Variants in PCDHGB6 observed in about 807,000 individuals in gnomAD.
PCDHGB6 encodes protocadherin gamma-B6.
In PCDHGB6, 51 loss-of-function variants were observed where a neutral mutation model predicts 59.1. The ratio of observed to expected loss-of-function variants is 0.86; its 90% confidence interval spans 0.69 to 1.09. PCDHGB6 has a LOEUF of 1.09. PCDHGB6 is among the 50% of genes least tolerant of loss of function. The probability of loss-of-function intolerance (pLI) is 0.00; values close to 1 mark genes in which losing one functional copy is unlikely to be tolerated. For missense variants in PCDHGB6, 1,148 were observed against 1,205.1 expected (o/e 0.95, Z 0.70); for synonymous variants, 466 against 495.1 (o/e 0.94, Z 0.78).
chr5:141,476,743 T>A lies in PCDHGB6; in HGVS notation c.2419-18064T>A. On this transcript the variant is annotated intron_variant, in intron 1 of 3. Coordinates refer to ENST00000520790, the MANE Select transcript of PCDHGB6 (RefSeq NM_018926.3). The surrounding 1 kb of genome is among the most constrained non-coding windows in gnomAD (Gnocchi z 7.6). ...CCCTGGACCGAGAACGGGAGCCTAG[T>A]CTCCAGTTAGTGCTGACGGCGTTGG... is the stretch of plus-strand genomic sequence containing the variant. The A allele has an allele frequency of 6.2e-7, 1 of 1,613,932 alleles. No individual in the cohort carries two copies. The highest frequency in any genetic ancestry group is 1.1e-5 in the South Asian group (1 of 91,064).
rs1317308437 is a variant in PCDHGB6, at chr5:141,418,492, A to G, written c.2418+7872A>G. The G allele has an allele frequency of 1.9e-6, 3 of 1,613,886 alleles. No homozygotes were observed. The African/African-American group carries it at 4.0e-5, about 22-fold the overall frequency. On this transcript the variant is annotated intron_variant, in intron 1 of 3. Coordinates refer to ENST00000520790, the MANE Select transcript of PCDHGB6 (RefSeq NM_018926.3). ...AAACGCAGAGCGCTCACCACTTGGT[A>G]CTGACCGCCTTAGATGGTGGGGACC... is the stretch of plus-strand genomic sequence containing the variant.
At position 141,414,671 on chromosome 5, in the gene PCDHGB6, C is replaced by A. The variant is rs115280317; in HGVS notation, c.2418+4051C>A. On this transcript the variant is annotated intron_variant, in intron 1 of 3. Coordinates refer to ENST00000520790, the MANE Select transcript of PCDHGB6 (RefSeq NM_018926.3). ...ATTATTTACTCCCTGGCTGAAGACA[C>A]CATCCAGGGGGTACCTCTGTCCTCA... 857 of 1,613,966 alleles carry A rather than the reference C, an allele frequency of 5.3e-4. 9 individuals carry two copies. In the African/African-American group the frequency reaches 0.01, roughly 19 times the overall value.
At chr5:141,458,984 C>T (rs2098958355) in intron 1 of PCDHGB6, among the ~76,000 whole-genome samples, 1 of 152,204 alleles carries the variant, frequency 6.6e-6, no homozygotes, top group Non-Finnish European at 1.5e-5. Context: ...CCTCCTGCCT[C>T]ACCCTCCCAA....
Position 141,409,104 on chromosome 5 carries a change from T to C in PCDHGB6, c.902T>C (p.Ile301Thr). The C allele has an allele frequency of 1.9e-6, 3 of 1,613,960 alleles. No homozygotes were observed. The highest frequency in any genetic ancestry group is 2.5e-6 in the Non-Finnish European group (3 of 1,179,882). Reference sequence around the variant, plus strand: ...TCATTGGATGAGAAAACAGGTATGATTAAGAATAACCAGTCATTTGATTTT... The same window carrying C: ...TCATTGGATGAGAAAACAGGTATGACTAAGAATAACCAGTCATTTGATTTT... ...MFSLDEKTGM[I>T]KNNQSFDFED... The change falls in exon 1 of 4, where the codon ATT (isoleucine) becomes ACT (threonine). Residue 301 changes from isoleucine (I) to threonine (T), a missense_variant. Transcript: ENST00000520790.
At chr5:141,498,964 G>A (rs1342764380) in intron 2 of PCDHGB6, among the ~76,000 whole-genome samples, 2 of 127,572 alleles carry the variant, frequency 1.6e-5, no homozygotes, top group Admixed American at 8.7e-5. Context: ...AGAGAGGGAG[G>A]GAGGGAGGGA....
intron 1 of PCDHGB6, among the ~76,000 whole-genome samples, chr5:141,461,881 T>C (rs2099025428): frequency 6.6e-6 from 1 of 152,060 alleles, no homozygotes. Flanking sequence ...TGGAGTGCAA[T>C]GGCACGATCT....
rs539072548 is a variant in PCDHGB6 at position 141,421,546 on chromosome 5, A to G, written c.2418+10926A>G. 4.3e-6 allele frequency: 7 copies of G among 1,613,896 alleles called. No homozygotes were observed. The South Asian group carries it at 4.4e-5, about 10-fold the overall frequency. ...GACGGTGTCCTCCTGTTTTTTAAAT[A>G]TGGAACTTCTCGTGGAAGACACCTT... On this transcript the variant is annotated intron_variant, in intron 1 of 3. Transcript: ENST00000520790.
chr5:141,422,811 C>T (rs748248571), intron 1 of PCDHGB6: 1 of 1,614,248 alleles, frequency 6.2e-7, no homozygotes, highest in Non-Finnish European at 8.5e-7. Context: ...AGTTTCGAGA[C>T]TTAGAACTGA....
At chr5:141,438,996 A>G (rs2098080427) in intron 1 of PCDHGB6, among the ~76,000 whole-genome samples, 1 of 151,634 alleles carries the variant, frequency 6.6e-6, no homozygotes, top group African/African-American at 2.4e-5. Flanking sequence ...AAGGCTAAGG[A>G]CCTGGTTTGT....
rs1464961193 is a variant in PCDHGB6 at position 141,432,346 on chromosome 5, A to G, written c.2418+21726A>G. The G allele has an allele frequency of 6.2e-7, 1 of 1,614,192 alleles. No homozygotes were observed. Among genetic ancestry groups the G allele is most frequent in the African/African-American group, 1.3e-5 (1 of 75,054 alleles). On this transcript the variant is annotated intron_variant, in intron 1 of 3. Coordinates refer to ENST00000520790, the MANE Select transcript of PCDHGB6 (RefSeq NM_018926.3). This position sits in a 1 kb window ranked among gnomAD's most constrained non-coding sequence, Gnocchi z 6.0. ...ACTACGAGCAGTTCCGAGACTTGCA[A>G]GTGAAAGTGATGGCGCGGGACAACG...
At chr5:141,430,285 T>C (rs1456678142) in intron 1 of PCDHGB6, among the ~76,000 whole-genome samples, 18 of 151,710 alleles carry the variant, frequency 1.2e-4, no homozygotes, top group Admixed American at 1.2e-3. Flanking sequence ...GGAACAGTAA[T>C]CTCAAAGCAG....
At chr5:141,497,479 G>A (rs1028715475) in intron 2 of PCDHGB6, among the ~76,000 whole-genome samples, 5 of 151,886 alleles carry the variant, frequency 3.3e-5, no homozygotes, top group Non-Finnish European at 7.4e-5. Flanking sequence ...GAGAAGGTGC[G>A]GAACCTCTCT....
chr5:141,417,878 C>T, intron 1 of PCDHGB6: 1 of 1,558,216 alleles, frequency 6.4e-7, no homozygotes, highest in Non-Finnish European at 8.7e-7. Context: ...GAGCTGCGCG[C>T]AGAGGCGCCG....
chr5:141,509,819 C>T (rs1008625658), intron 3 of PCDHGB6, among the ~76,000 whole-genome samples: 3 of 152,154 alleles, frequency 2.0e-5, no homozygotes, highest in African/African-American at 7.2e-5. Context: ...AGCTCTTCTC[C>T]ATCTTCTCTC....
In PCDHGB6 at chr5:141,487,472, G is replaced by A. The variant is rs2099645737; in HGVS notation, c.2419-7335G>A. The A allele has an allele frequency of 2.5e-6, 4 of 1,614,178 alleles. No individual in the cohort carries two copies. Among genetic ancestry groups the A allele is most frequent in the Non-Finnish European group, 3.4e-6 (4 of 1,180,036 alleles). Reference sequence around the variant, plus strand: ...CCCTATCAAGTTTGTTGATGTGGGAGGCCACTCTCATGGCTGTACACCCTT... The same window carrying A: ...CCCTATCAAGTTTGTTGATGTGGGAAGCCACTCTCATGGCTGTACACCCTT... On this transcript the variant is annotated intron_variant, in intron 1 of 3. Coordinates refer to ENST00000520790, the MANE Select transcript of PCDHGB6 (RefSeq NM_018926.3). This position sits in a 1 kb window ranked among gnomAD's most constrained non-coding sequence, Gnocchi z 5.0.
In PCDHGB6 at chr5:141,511,358, G is replaced by GT; in HGVS notation, c.*187dup. 1 of 1,355,398 alleles carries GT rather than the reference G, an allele frequency of 7.4e-7. No homozygotes were observed. Among genetic ancestry groups the GT allele is most frequent in the South Asian group, 1.5e-5 (1 of 66,198 alleles). 84.0% of individuals were successfully genotyped at this position (1,355,398 alleles called of 1,614,324 possible). On this transcript the variant is annotated 3_prime_UTR_variant, in exon 4 of 4. Transcript: ENST00000520790. ...GCACCTACCCCTTCCCCCCCAGGGG[G>GT]TTGAATATGCAAAAGCAGTTCCGCT...
At chr5:141,472,453 T>C (rs2099281194) in intron 1 of PCDHGB6, among the ~76,000 whole-genome samples, 1 of 151,726 alleles carries the variant, frequency 6.6e-6, no homozygotes, top group African/African-American at 2.4e-5. Flanking sequence ...GGCAGGAGAA[T>C]CGCTTGAACC....
chr5:141,428,523 T>G, intron 1 of PCDHGB6: 1 of 278,554 alleles, frequency 3.6e-6, no homozygotes, highest in Non-Finnish European at 7.1e-6. Context: ...AAAGAAGATT[T>G]AATTTTCTCA....
intron 1 of PCDHGB6, chr5:141,433,226 C>G (rs1433770157): frequency 6.6e-7 from 1 of 1,514,890 alleles, no homozygotes; most frequent in Non-Finnish European, 9.0e-7. Context: ...TTTTTAATTG[C>G]TCTGTCTCCC....
Sources: allele counts gnomAD v4.1 joint callset (sites outside exome capture counted in the v4.1 genomes callset), GRCh38; gene constraint gnomAD v4.1.1; non-coding constraint Gnocchi (gnomAD v3.1); transcripts MANE v1.5; gene names NCBI Gene and HGNC (gene_info 2026-07-23, HGNC 2026-07-21).